Variants in RBMS1 observed in about 807,000 individuals in gnomAD.
The protein encoded by RBMS1 is RNA-binding motif, single-stranded-interacting protein 1.
A neutral mutation model predicts 62.3 loss-of-function variants in RBMS1; 17 were observed. That is an observed-to-expected ratio of 0.27 (90% confidence interval 0.19 to 0.41). The LOEUF (loss-of-function observed/expected upper bound fraction) is 0.41. Ranked by LOEUF, RBMS1 falls within the 10% of genes least tolerant of loss-of-function variation. The probability of loss-of-function intolerance (pLI) is 1.00; values close to 1 mark genes in which losing one functional copy is unlikely to be tolerated. For synonymous variants in RBMS1, 172 were observed against 170.0 expected (o/e 1.01, Z -0.09); for missense variants, 334 against 504.5 (o/e 0.66, Z 3.24).
rs942735143 is a variant in RBMS1, at chr2:160,367,454, GA to G, written c.76-64del. On this transcript the variant is annotated intron_variant, in intron 1 of 13. Coordinates refer to ENST00000348849, the MANE Select transcript of RBMS1 (RefSeq NM_016836.4). ...TTAGGAGGCTGACACCAAATAAAAT[GA>G]AGTTACCAAGATTTAAATATAGATT... 2.5e-6 allele frequency: 4 copies of G among 1,586,478 alleles called. No individual in the cohort carries two copies. In the African/African-American group the frequency reaches 5.4e-5, roughly 22 times the overall value.
At chr2:160,417,160 C>A (rs1334969228) in intron 1 of RBMS1, among the ~76,000 whole-genome samples, 1 of 152,094 alleles carries the variant, frequency 6.6e-6, no homozygotes, top group Non-Finnish European at 1.5e-5. Context: ...CACGCATGCA[C>A]ACACACACAG....
intron 1 of RBMS1, chr2:160,402,043 T>C (rs1277995719): frequency 6.6e-6 from 1 of 152,248 alleles, no homozygotes; most frequent in Non-Finnish European, 1.5e-5. Flanking sequence ...CTTAGGCGAC[T>C]GTGTCAAGGT....
intron 1 of RBMS1, among the ~76,000 whole-genome samples, chr2:160,381,778 C>T (rs1694296783): frequency 6.6e-6 from 1 of 152,166 alleles, no homozygotes; most frequent in South Asian, 2.1e-4. Context: ...TAAAACATAA[C>T]CAAAAGGTTT....
intron 2 of RBMS1, among the ~76,000 whole-genome samples, chr2:160,354,951 ACACC>A (rs1692715346): frequency 6.6e-6 from 1 of 152,134 alleles, no homozygotes; most frequent in Non-Finnish European, 1.5e-5. Context: ...AATTCTAGAT[ACACC>A]ATTTATGGAA....
intron 1 of RBMS1, among the ~76,000 whole-genome samples, chr2:160,422,084 T>C (rs538670367): frequency 5.9e-5 from 9 of 152,178 alleles, no homozygotes; most frequent in Non-Finnish European, 8.8e-5. Flanking sequence ...TGTTCAGCTG[T>C]AAAAAGCAAA....
In RBMS1 at chr2:160,318,084, T is replaced by C. The variant is rs79264682; in HGVS notation, c.310+85A>G. The C allele has an allele frequency of 9.1e-4, 1,406 of 1,541,070 alleles. 23 individuals carry two copies. In the East Asian group the frequency reaches 0.028, roughly 31 times the overall value. On this transcript the variant is annotated intron_variant, in intron 3 of 13. Transcript: ENST00000348849. ...GATCTGGTTTTTAATAAAACGAAGG[T>C]GGTTTTGAAACCAAAGATCAGGTTT... is the stretch of plus-strand genomic sequence containing the variant.
chr2:160,396,308 C>T (rs1695135776), intron 1 of RBMS1, among the ~76,000 whole-genome samples: 1 of 152,104 alleles, frequency 6.6e-6, no homozygotes, highest in Non-Finnish European at 1.5e-5. Context: ...TTGATTTACA[C>T]AAATATTACA....
At chr2:160,345,996 C>G (rs1423326990) in intron 2 of RBMS1, among the ~76,000 whole-genome samples, 3 of 152,128 alleles carry the variant, frequency 2.0e-5, no homozygotes, top group African/African-American at 7.2e-5. Flanking sequence ...CTTCCCAGAA[C>G]CCGGCATAGT....
At chr2:160,441,715 C>T (rs540873398) in intron 1 of RBMS1, among the ~76,000 whole-genome samples, 8 of 152,322 alleles carry the variant, frequency 5.3e-5, no homozygotes, top group South Asian at 2.1e-4. Flanking sequence ...CAGAGTGAGA[C>T]GAAAACTTTA....
intron 2 of RBMS1, among the ~76,000 whole-genome samples, chr2:160,362,693 G>A (rs1006654572): frequency 3.3e-5 from 5 of 152,126 alleles, no homozygotes; most frequent in Non-Finnish European, 4.4e-5. Context: ...AAAATGTGAC[G>A]CAGAGACATA....
intron 4 of RBMS1, 68 bp from the exon 5 acceptor site, chr2:160,303,555 A>G (rs986958343): frequency 2.0e-6 from 3 of 1,471,438 alleles, no homozygotes; most frequent in Non-Finnish European, 2.8e-6. Context: ...TAACACACCT[A>G]TTTTTATTAG....
intron 9 of RBMS1, 143 bp from the exon 10 acceptor site, chr2:160,281,507 A>T: frequency 1.6e-6 from 1 of 626,630 alleles, no homozygotes; most frequent in Admixed American, 3.3e-5. Flanking sequence ...AGATTAAGGC[A>T]GTTAGAATTC....
intron 1 of RBMS1, among the ~76,000 whole-genome samples, chr2:160,391,509 T>C (rs756076381): frequency 1.3e-5 from 2 of 152,112 alleles, no homozygotes; most frequent in Non-Finnish European, 2.9e-5. Flanking sequence ...GGTGCTTCGG[T>C]AGTCTGCTTG....
chr2:160,339,960 T>A (rs989120376), intron 2 of RBMS1, among the ~76,000 whole-genome samples: 1 of 152,192 alleles, frequency 6.6e-6, no homozygotes, highest in Admixed American at 6.6e-5. Context: ...ATTCTCACTC[T>A]TAGACACACA....
chr2:160,278,385 G>A (rs1574199966), intron 11 of RBMS1, 163 bp downstream of exon 11: 2 of 648,252 alleles, frequency 3.1e-6, no homozygotes. Context: ...AATTAATTAA[G>A]AAATAGCTGA....
intron 1 of RBMS1, among the ~76,000 whole-genome samples, chr2:160,448,504 C>G (rs998447219): frequency 1.3e-5 from 2 of 152,248 alleles, no homozygotes; most frequent in Non-Finnish European, 2.9e-5. Context: ...CCGTGTTGGC[C>G]GGGCTGGTCT....
At chr2:160,291,955 A>G (rs933123585) in intron 6 of RBMS1, among the ~76,000 whole-genome samples, 1 of 152,082 alleles carries the variant, frequency 6.6e-6, no homozygotes, top group African/African-American at 2.4e-5. Context: ...AGAGCCATTT[A>G]TTTTTCACAT....
In RBMS1 at chr2:160,278,231, C is replaced by T. The variant is rs555284836; in HGVS notation, c.1062+317G>A. On this transcript the variant is annotated intron_variant, in intron 11 of 13. Transcript: ENST00000348849. ...TGCTTTTACCATCTTGTATTACCTT[C>T]GTCTTTCGCTTCATGACACTGCCAC... 1.7e-3 allele frequency: 549 copies of T among 325,966 alleles called. 7 individuals are homozygous for T. Among genetic ancestry groups the T allele is most frequent in the Non-Finnish European group, 2.3e-4 (41 of 174,512 alleles). 20.2% of individuals were successfully genotyped at this position (325,966 alleles called of 1,614,324 possible).
At chr2:160,492,497 C>G (rs1248056725) in intron 1 of RBMS1, among the ~76,000 whole-genome samples, 2 of 152,150 alleles carry the variant, frequency 1.3e-5, no homozygotes. Flanking sequence ...GGAAATCGAT[C>G]TGTGGCAAAC....
Sources: gnomAD v4.1 joint callset for allele counts (sites outside exome capture counted in the v4.1 genomes callset) on GRCh38, gnomAD v4.1.1 for gene constraint, MANE v1.5 for transcripts, NCBI Gene and HGNC (gene_info 2026-07-23, HGNC 2026-07-21) for gene names.